The following ZNF525 variants were observed in gnomAD, a reference collection of about 807,000 sequenced individuals.
ZNF525 encodes zinc finger protein 525.
A neutral mutation model predicts 37.6 loss-of-function variants in ZNF525; 33 were observed. The observed-to-expected ratio is 0.88, with a 90% CI of 0.67 to 1.17. The LOEUF (loss-of-function observed/expected upper bound fraction) is 1.17. Among genes scored for constraint, ZNF525 ranks in the 50% most tolerant of loss-of-function variants. ZNF525 has a pLI of 0.00. For missense variants in ZNF525, 449 were observed against 543.1 expected (o/e 0.83, Z 1.72); for synonymous variants, 170 against 182.3 (o/e 0.93, Z 0.54).
At chr19:53,367,913 G>A (rs1228036688) in intron 1 of ZNF525, among the ~76,000 whole-genome samples, 1 of 152,118 alleles carries the variant, frequency 6.6e-6, no homozygotes. Context: ...CGTGTAAATC[G>A]GGGTGCGATA....
rs142206600 is a variant in ZNF525, at chr19:53,386,017, A to G, written c.*3998A>G. 1.5e-5 allele frequency: 4 copies of G among 274,138 alleles called. No individual in the cohort carries two copies. Among genetic ancestry groups the G allele is most frequent in the African/African-American group, 2.2e-5 (1 of 44,762 alleles). The allele number at this position is 274,138 out of a possible 1,614,324, so 17.0% of individuals were successfully genotyped here. On this transcript the variant is annotated 3_prime_UTR_variant, in exon 4 of 4. Coordinates refer to ENST00000474037, the MANE Select transcript of ZNF525 (RefSeq NM_001348156.2). ...GTAAAAATACAAAAATTAGCTCAGC[A>G]TGGTGGCATGCGCCTGTAATCCCAG...
At chr19:53,372,481 G>A in intron 2 of ZNF525, 185 bp downstream of exon 2, 1 of 752,802 alleles carries the variant, frequency 1.3e-6, no homozygotes, top group Non-Finnish European at 2.3e-6. Context: ...ACATGAACTT[G>A]GGAAGAGGCT....
Position 53,380,944 on chromosome 19 carries a change from G to T in ZNF525, c.365G>T (p.Ser122Ile). ...PMTKIKKLMG[S>I]TEQYDHRHAG... The stretch of plus-strand genomic sequence containing the variant: ...ACAAAAATCAAAAAATTGATGGGTA[G>T]TACAGAGCAATATGATCACAGGCAT... The change falls in exon 4 of 4, where the codon AGT becomes ATT. Residue 122 changes from serine to isoleucine, a missense_variant. Ser to Ile is a moderately radical substitution (Grantham distance 142). Transcript: ENST00000474037. The T allele has an allele frequency of 6.4e-7, 1 of 1,557,166 alleles. No homozygotes were observed. Among genetic ancestry groups the T allele is most frequent in the Non-Finnish European group, 8.9e-7 (1 of 1,128,238 alleles).
intron 2 of ZNF525, among the ~76,000 whole-genome samples, chr19:53,373,690 C>T (rs954076558): frequency 6.6e-6 from 1 of 151,630 alleles, no homozygotes; most frequent in Admixed American, 6.6e-5. Context: ...GGCATGGTGG[C>T]GCATGCCTGT....
In ZNF525 at chr19:53,383,693, A is replaced by G. The variant is rs1297637809; in HGVS notation, c.*1674A>G. 2 of 685,838 alleles carry G rather than the reference A, an allele frequency of 2.9e-6. No individual in the cohort carries two copies. Among genetic ancestry groups the G allele is most frequent in the East Asian group, 3.7e-5 (1 of 26,928 alleles). The allele number at this position is 685,838 out of a possible 1,614,324, so 42.5% of individuals were successfully genotyped here. ...CAACGTCTTCAGTAATGCTACAACC[A>G]TTGTAAATCACTGGAGAAGCCATAA... On this transcript the variant is annotated 3_prime_UTR_variant, in exon 4 of 4. Coordinates refer to ENST00000474037, the MANE Select transcript of ZNF525 (RefSeq NM_001348156.2).
chr19:53,376,203 C>G (rs1330909348), intron 3 of ZNF525: 1 of 733,552 alleles, frequency 1.4e-6, no homozygotes. Flanking sequence ...CTCGGCCTCC[C>G]AAGAAGCTGG....
At chr19:53,376,244 A>T (rs1411881951) in intron 3 of ZNF525, 4 of 705,392 alleles carry the variant, frequency 5.7e-6, no homozygotes, top group Non-Finnish European at 1.0e-5. Context: ...GTACCTAACT[A>T]TTGGCTTTTG....
Position 53,386,508 on chromosome 19 carries a change from G to C in ZNF525, c.*4489G>C. On this transcript the variant is annotated 3_prime_UTR_variant, in exon 4 of 4. Coordinates refer to ENST00000474037, the MANE Select transcript of ZNF525 (RefSeq NM_001348156.2). The stretch of plus-strand genomic sequence containing the variant: ...GTTGGACATGTTTTATTGGGAATAT[G>C]TTTTTTCTCTGTAAATTTGTTATAA... The C allele has an allele frequency of 1.7e-6, 1 of 574,690 alleles. No individual in the cohort carries two copies. Among genetic ancestry groups the C allele is most frequent in the South Asian group, 1.8e-5 (1 of 55,856 alleles). 35.6% of individuals were successfully genotyped at this position (574,690 alleles called of 1,614,324 possible). A position where few individuals can be genotyped will look rare whatever the true frequency, so the allele number is the denominator to read the frequency against.
chr19:53,377,952 T>C (rs1456348801), intron 3 of ZNF525, among the ~76,000 whole-genome samples: 1 of 152,202 alleles, frequency 6.6e-6, no homozygotes, highest in Non-Finnish European at 1.5e-5. Flanking sequence ...TTTGTTTAAT[T>C]AGATTTGTCA....
At chr19:53,371,408 G>A (rs1027731010) in intron 1 of ZNF525, among the ~76,000 whole-genome samples, 3 of 151,864 alleles carry the variant, frequency 2.0e-5, no homozygotes, top group African/African-American at 7.3e-5. Context: ...GTCTCATTCT[G>A]TCACCCAGGC....
chr19:53,381,725 A>G lies in ZNF525; in HGVS notation c.1146A>G (p.Pro382=), dbSNP rs771586528. The part of the protein sequence containing the change: ...SHRITHTGEK[P]YKCNDCGKTF... Reference sequence around the variant, plus strand: ...GGATAACTCATACTGGAGAGAAACCATACAAGTGTAATGATTGTGGCAAGA... The same window carrying G: ...GGATAACTCATACTGGAGAGAAACCGTACAAGTGTAATGATTGTGGCAAGA... Residue 382 remains proline, a synonymous_variant, in exon 4 of 4, where the codon CCA becomes CCG. Coordinates refer to ENST00000474037, the MANE Select transcript of ZNF525 (RefSeq NM_001348156.2). 9.3e-6 allele frequency: 10 copies of G among 1,079,982 alleles called. No individual in the cohort carries two copies. The highest frequency in any genetic ancestry group is 2.0e-4 in the Middle Eastern group (1 of 5,058). The allele number at this position is 1,079,982 out of a possible 1,614,324, so 66.9% of individuals were successfully genotyped here.
At chr19:53,379,932 G>T (rs563169834) in intron 3 of ZNF525, among the ~76,000 whole-genome samples, 11 of 152,114 alleles carry the variant, frequency 7.2e-5, no homozygotes, top group African/African-American at 2.7e-4. Flanking sequence ...AACCCAAAAG[G>T]TGGAGGTTGC....
Position 53,384,759 on chromosome 19 carries a change from C to T in ZNF525, c.*2740C>T, listed in dbSNP as rs2085593442. On this transcript the variant is annotated 3_prime_UTR_variant, in exon 4 of 4. Transcript: ENST00000474037. ...CAAATGTAATTTTACTTCTTTCTTTCTGATTTGGATGAGTTTGATTTCTTT... is the reference window on the plus strand; with the variant it reads ...CAAATGTAATTTTACTTCTTTCTTTTTGATTTGGATGAGTTTGATTTCTTT... 1.2e-5 allele frequency: 6 copies of T among 484,804 alleles called. No homozygotes were observed. The South Asian group carries it at 1.9e-4, about 15-fold the overall frequency. The allele number at this position is 484,804 out of a possible 1,614,324, so 30.0% of individuals were successfully genotyped here.
chr19:53,381,565 G>A lies in ZNF525; in HGVS notation c.986G>A (p.Cys329Tyr), dbSNP rs755985005. 2.6e-6 allele frequency: 3 copies of A among 1,173,376 alleles called. No individual in the cohort carries two copies. Among genetic ancestry groups the A allele is most frequent in the Non-Finnish European group, 3.9e-6 (3 of 777,302 alleles). 72.7% of individuals were successfully genotyped at this position (1,173,376 alleles called of 1,614,324 possible). A position where few individuals can be genotyped will look rare whatever the true frequency, so the allele number is the denominator to read the frequency against. Residue 329 changes from cysteine to tyrosine, a missense_variant, in exon 4 of 4, where the codon TGT becomes TAT. Cys to Tyr is a radical substitution (Grantham distance 194, BLOSUM62 -2). This residue lies in a region of ZNF525 where 178 missense variants were observed against 161.5 expected (regional missense o/e 1.10). Transcript: ENST00000474037. Reference protein sequence around the residue: ...RIHTGEKPHKCNECGKTFSQK... With the variant: ...RIHTGEKPHKYNECGKTFSQK... ...CATACTGGAGAGAAACCACATAAGT[G>A]TAATGAGTGTGGCAAGACCTTTAGT...
In ZNF525 at chr19:53,376,576, T is replaced by TTTTG. The variant is rs1210921554; in HGVS notation, c.142+696_142+699dup. ...ACGCTTTGACTCCTTTCTTCTTTAC[T>TTTTG]TTTGTTTGTTTGTTTGTTTATGATG... On this transcript the variant is annotated intron_variant, in intron 3 of 3. Coordinates refer to ENST00000474037, the MANE Select transcript of ZNF525 (RefSeq NM_001348156.2). 2.7e-5 allele frequency: 14 copies of TTTTG among 509,964 alleles called. No individual in the cohort carries two copies. The Admixed American group carries it at 4.7e-4, about 17-fold the overall frequency. The allele number at this position is 509,964 out of a possible 1,614,324, so 31.6% of individuals were successfully genotyped here.
At chr19:53,366,797 CAG>C (rs2085450314) in intron 1 of ZNF525, among the ~76,000 whole-genome samples, 3 of 121,646 alleles carry the variant, frequency 2.5e-5, no homozygotes, top group African/African-American at 9.4e-5. Context: ...AGAGTGGGGA[CAG>C]GGGGTATAAC....
chr19:53,383,185 C>T lies in ZNF525; in HGVS notation c.*1166C>T. 1 of 1,372,874 alleles carries T rather than the reference C, an allele frequency of 7.3e-7. No individual in the cohort carries two copies. Among genetic ancestry groups the T allele is most frequent in the East Asian group, 2.8e-5 (1 of 35,984 alleles). 85.0% of individuals were successfully genotyped at this position (1,372,874 alleles called of 1,614,324 possible). ...ATGAGTGTGGCAAGACCTACTCTCA[C>T]AATTCAGTCCTTGTAATTCATAAGA... On this transcript the variant is annotated 3_prime_UTR_variant, in exon 4 of 4. Transcript: ENST00000474037.
chr19:53,370,871 A>G (rs2085483330), intron 1 of ZNF525, among the ~76,000 whole-genome samples: 1 of 152,108 alleles, frequency 6.6e-6, no homozygotes, highest in Admixed American at 6.5e-5. Flanking sequence ...CCAACTCCTC[A>G]CTGTGGCTCC....
intron 3 of ZNF525, chr19:53,376,190 C>A: frequency 1.4e-6 from 1 of 739,366 alleles, no homozygotes; most frequent in Non-Finnish European, 2.4e-6. Flanking sequence ...TCAAGACATC[C>A]TCCTCGGCCT....
Sources: allele counts gnomAD v4.1 joint callset (sites outside exome capture counted in the v4.1 genomes callset), GRCh38; gene constraint gnomAD v4.1.1; regional missense constraint gnomAD v4.1.1; transcripts MANE v1.5; gene names NCBI Gene and HGNC (gene_info 2026-07-23, HGNC 2026-07-21).